Variants in FGFR2 observed in about 807,000 individuals in gnomAD.
The protein encoded by FGFR2 is BEK fibroblast growth factor receptor.
In FGFR2, 19 loss-of-function variants were observed where a neutral mutation model predicts 95.9. The observed-to-expected ratio is 0.20, with a 90% CI of 0.14 to 0.29. The LOEUF (loss-of-function observed/expected upper bound fraction) is 0.29. FGFR2 is among the 10% of genes least tolerant of loss of function. The pLI is 1.00. For missense variants in FGFR2, 707 were observed against 1,056.9 expected, an observed-to-expected ratio of 0.67 and a Z score of 4.59; for synonymous variants, 392 against 393.3, an observed-to-expected ratio of 1.00 and a Z score of 0.04.
intron 2 of FGFR2, among the ~76,000 whole-genome samples, chr10:121,578,052 C>T (rs1032436484): frequency 2.2e-4 from 33 of 152,148 alleles, no homozygotes; most frequent in African/African-American, 7.7e-4. Context: ...ACAGGCAAAA[C>T]TGCATCCCAC....
chr10:121,546,388 G>A (rs1462040139), intron 5 of FGFR2, among the ~76,000 whole-genome samples: 1 of 152,050 alleles, frequency 6.6e-6, no homozygotes, highest in East Asian at 1.9e-4. Context: ...CAAAAGCCCA[G>A]GAATAAGTAT....
chr10:121,483,180 T>C lies in FGFR2; in HGVS notation c.2301+518A>G, dbSNP rs372344405. Among the ~76,000 whole-genome samples, 5 of 152,348 alleles carry C rather than the reference T, an allele frequency of 3.3e-5. 1 individual carries two copies. The highest frequency in any genetic ancestry group is 1.3e-4 in the Admixed American group (2 of 15,302). On this transcript the variant is annotated intron_variant, in intron 17 of 17. Coordinates refer to ENST00000358487, the MANE Select transcript of FGFR2 (RefSeq NM_000141.5). ...CATTGTAGAAAACAGTGTATGTTTA[T>C]ATACACCTAGAAAGAGGCTGCAAGG... is the stretch of plus-strand genomic sequence containing the variant.
intron 2 of FGFR2, among the ~76,000 whole-genome samples, chr10:121,578,291 C>T (rs893286616): frequency 6.6e-6 from 1 of 152,216 alleles, no homozygotes; most frequent in African/African-American, 2.4e-5. Flanking sequence ...CTCTCTGACA[C>T]TCTGGCTTAC....
chr10:121,571,426 G>T lies in FGFR2; in HGVS notation c.110-5722C>A, dbSNP rs367846860. On this transcript the variant is annotated intron_variant, in intron 2 of 17. Transcript: ENST00000358487. ...TGATTCTCCTGCCTCAGCCTCTGGA[G>T]TAATGGGATTACAGGTGCATGCCAT... 6.6e-5 allele frequency among the ~76,000 whole-genome samples: 10 copies of T among 150,796 alleles called. No homozygotes were observed. In the South Asian group the frequency reaches 1.7e-3, roughly 25 times the overall value.
intron 2 of FGFR2, among the ~76,000 whole-genome samples, chr10:121,592,672 C>T (rs892040471): frequency 3.9e-5 from 6 of 152,150 alleles, no homozygotes; most frequent in African/African-American, 1.2e-4. Flanking sequence ...TCCCAGCCTA[C>T]CCCACTGGGT....
At chr10:121,566,215 G>A (rs1178033312) in intron 2 of FGFR2, among the ~76,000 whole-genome samples, 1 of 152,054 alleles carries the variant, frequency 6.6e-6, no homozygotes, top group African/African-American at 2.4e-5. Context: ...GAAAACTAAG[G>A]GATCCCTCTA....
In FGFR2 at chr10:121,479,559, G is replaced by A. The variant is rs954971687; in HGVS notation, c.*298C>T. The A allele has an allele frequency of 5.9e-6, 9 of 1,530,368 alleles. No homozygotes were observed. The African/African-American group carries it at 1.1e-4, about 19-fold the overall frequency. The allele number at this position is 1,530,368 out of a possible 1,614,324, so 94.8% of individuals were successfully genotyped here. ...TATTACAAAATTAACAAGGAAGGCA[G>A]AACGCACGTCCACCTTGAGTCCTAC... On this transcript the variant is annotated 3_prime_UTR_variant, in exon 18 of 18. Coordinates refer to ENST00000358487, the MANE Select transcript of FGFR2 (RefSeq NM_000141.5).
intron 4 of FGFR2, among the ~76,000 whole-genome samples, chr10:121,556,131 C>CGGACGGATGGAT (rs963776299): frequency 1.3e-5 from 2 of 149,130 alleles, no homozygotes; most frequent in Non-Finnish European, 3.0e-5. Flanking sequence ...GATGGATGGA[C>CGGACGGATGGAT]GGACGGATGG....
At chr10:121,558,601 C>T (rs576653462) in intron 4 of FGFR2, among the ~76,000 whole-genome samples, 2 of 150,320 alleles carry the variant, frequency 1.3e-5, no homozygotes. Flanking sequence ...TTAATAGATA[C>T]AGTTTTTTGT....
intron 6 of FGFR2, among the ~76,000 whole-genome samples, chr10:121,535,940 C>T (rs77323935): frequency 0.011 from 1,686 of 152,328 alleles, 21 homozygotes; most frequent in Non-Finnish European, 0.019. Context: ...TTCATAATAT[C>T]TGAACCACAA....
intron 6 of FGFR2, among the ~76,000 whole-genome samples, chr10:121,521,648 GAAA>G (rs60666604): frequency 3.4e-5 from 5 of 145,866 alleles, no homozygotes; most frequent in South Asian, 2.2e-4. Flanking sequence ...AGGATGGGAA[GAAA>G]AAAAAAAAAA....
At chr10:121,556,813 TCTAAAGCCCCA>T (rs1856232390) in intron 4 of FGFR2, among the ~76,000 whole-genome samples, 1 of 152,168 alleles carries the variant, frequency 6.6e-6, no homozygotes, top group Non-Finnish European at 1.5e-5. Flanking sequence ...TCACAAACTC[TCTAAAGCCCCA>T]CTAAAGCCTC....
chr10:121,485,606 C>T lies in FGFR2; in HGVS notation c.2058-74G>A. 6.3e-7 allele frequency: 1 copy of T among 1,597,008 alleles called. No individual in the cohort carries two copies. The highest frequency in any genetic ancestry group is 8.6e-7 in the Non-Finnish European group (1 of 1,166,550). On this transcript the variant is annotated intron_variant, in intron 15 of 17. Transcript: ENST00000358487. This position sits in a 1 kb window ranked among gnomAD's most constrained non-coding sequence, Gnocchi z 4.2. ...AAAACCTAAACACGCCCAGCTGAGACATAAACACCTCCTCACTTCTGAAGT... is the reference window on the plus strand; with the variant it reads ...AAAACCTAAACACGCCCAGCTGAGATATAAACACCTCCTCACTTCTGAAGT...
chr10:121,520,132 C>T lies in FGFR2; in HGVS notation c.786G>A (p.Leu262=), dbSNP rs753082618. ...SPHRPILQAG[L]PANASTVVGG... is the part of the protein sequence containing the mutation. ...CGACCACTGTGGAGGCATTTGCCGG[C>T]AGTCCGGCTTGGAGGATGGGCCGGT... is the stretch of plus-strand genomic sequence containing the variant. The change falls in exon 7 of 18, where the codon CTG becomes CTA. Residue 262 remains leucine, a synonymous_variant. Coordinates refer to ENST00000358487, the MANE Select transcript of FGFR2 (RefSeq NM_000141.5). 6.2e-7 allele frequency: 1 copy of T among 1,613,976 alleles called. No individual in the cohort carries two copies. Among genetic ancestry groups the T allele is most frequent in the African/African-American group, 1.3e-5 (1 of 75,060 alleles).
intron 4 of FGFR2, among the ~76,000 whole-genome samples, chr10:121,554,677 CTT>C (rs1254438762): frequency 2.6e-5 from 4 of 151,934 alleles, no homozygotes; most frequent in South Asian, 2.1e-4. Context: ...GGCTGGAACT[CTT>C]TTATAATTTT....
chr10:121,553,982 C>A (rs1333035583), intron 4 of FGFR2, among the ~76,000 whole-genome samples: 1 of 152,186 alleles, frequency 6.6e-6, no homozygotes, highest in Non-Finnish European at 1.5e-5. Flanking sequence ...TGTCTTGGTG[C>A]CTCGGGAGTG....
At chr10:121,524,909 CCT>C (rs1164170761) in intron 6 of FGFR2, among the ~76,000 whole-genome samples, 1 of 152,174 alleles carries the variant, frequency 6.6e-6, no homozygotes, top group Non-Finnish European at 1.5e-5. Flanking sequence ...AAAAGAATCC[CCT>C]GATGTATTAT....
At chr10:121,497,445 T>C (rs916990336) in intron 12 of FGFR2, among the ~76,000 whole-genome samples, 2 of 152,236 alleles carry the variant, frequency 1.3e-5, no homozygotes, top group Non-Finnish European at 2.9e-5. Context: ...TTTTTACCCA[T>C]ACATTATCCT....
Position 121,593,802 on chromosome 10 carries a change from G to C in FGFR2, c.16C>G (p.Arg6Gly), listed in dbSNP as rs141724446. 1 of 1,614,152 alleles carries C rather than the reference G, an allele frequency of 6.2e-7. No individual in the cohort carries two copies. The highest frequency in any genetic ancestry group is 1.7e-5 in the Admixed American group (1 of 60,024). Residue 6 changes from arginine to glycine, a missense_variant, in exon 2 of 18, where the codon CGT becomes GGT. This residue lies in a region of FGFR2 where 178 missense variants were observed against 194.1 expected (regional missense o/e 0.92). Transcript: ENST00000358487. The stretch of plus-strand genomic sequence containing the variant: ...GTGACCACGACCAGGCAGATGAAAC[G>C]ACCCCAGCTGACCATGGTTACGGTA... MVSWG[R>G]FICLVVVTMA... is the part of the protein sequence containing the mutation.
Sources: gnomAD v4.1 joint callset for allele counts (sites outside exome capture counted in the v4.1 genomes callset) on GRCh38, gnomAD v4.1.1 for gene constraint, gnomAD v4.1.1 regional missense constraint, Gnocchi (gnomAD v3.1) non-coding constraint, MANE v1.5 for transcripts, NCBI Gene and HGNC (gene_info 2026-07-23, HGNC 2026-07-21) for gene names.